The following ARHGEF4 variants were observed in gnomAD, a reference collection of about 807,000 sequenced individuals.
ARHGEF4 encodes the protein Rho guanine nucleotide exchange factor 4.
Under a neutral mutation model 162.0 loss-of-function variants are expected in ARHGEF4, and 119 were observed. That is an observed-to-expected ratio of 0.73 (90% CI 0.63 to 0.86). The LOEUF is 0.86. Among genes scored for constraint, ARHGEF4 ranks in the 40% least tolerant of loss-of-function variants. The pLI, the probability that ARHGEF4 is intolerant of heterozygous loss-of-function variation, is 0.00. For synonymous variants in ARHGEF4, 1,014 were observed against 979.9 expected (o/e 1.03, Z -0.65); for missense variants, 2,488 against 2,456.0 (o/e 1.01, Z -0.28).
At position 131,016,781 on chromosome 2, in the gene ARHGEF4, T is replaced by G. The variant is rs559305523; in HGVS notation, c.3986-11164T>G. Among the ~76,000 whole-genome samples the G allele has an allele frequency of 2.0e-5, 3 of 152,364 alleles. No homozygotes were observed. The South Asian group carries it at 6.2e-4, about 32-fold the overall frequency. ...CATCTCTACCAAGTTCCCTAAGTGC[T>G]GCTGCTGGTCTGGGGACCACACTTT... On this transcript the variant is annotated intron_variant, in intron 4 of 13. Transcript: ENST00000409359.
chr2:130,972,006 A>G (rs1685405038), intron 4 of ARHGEF4, among the ~76,000 whole-genome samples: 1 of 152,190 alleles, frequency 6.6e-6, no homozygotes, highest in South Asian at 2.1e-4. Context: ...ACAGGCCTTT[A>G]TAAGCATTGG....
intron 4 of ARHGEF4, among the ~76,000 whole-genome samples, chr2:130,951,986 T>TTAA (rs1683987387): frequency 6.6e-6 from 1 of 152,214 alleles, no homozygotes; most frequent in Non-Finnish European, 1.5e-5. Flanking sequence ...TATTGACATA[T>TTAA]ATTACATTTC....
At chr2:130,931,727 A>T (rs1682646266) in intron 3 of ARHGEF4, among the ~76,000 whole-genome samples, 2 of 152,210 alleles carry the variant, frequency 1.3e-5, no homozygotes, top group South Asian at 4.1e-4. Flanking sequence ...TGACAACATG[A>T]TTTTTTGCAT....
intron 4 of ARHGEF4, among the ~76,000 whole-genome samples, chr2:131,017,707 A>C (rs1462243772): frequency 1.3e-5 from 2 of 152,194 alleles, no homozygotes; most frequent in Non-Finnish European, 2.9e-5. Context: ...CTTGCCTTTT[A>C]AGACATATAC....
intron 4 of ARHGEF4, among the ~76,000 whole-genome samples, chr2:131,022,558 G>C (rs373774651): frequency 6.6e-6 from 1 of 151,484 alleles, no homozygotes; most frequent in African/African-American, 2.4e-5. Flanking sequence ...CAATTCGGTG[G>C]AGAAATGATA....
intron 5 of ARHGEF4, among the ~76,000 whole-genome samples, chr2:131,032,906 A>G (rs1441349309): frequency 7.6e-6 from 1 of 131,892 alleles, no homozygotes; most frequent in Non-Finnish European, 1.5e-5. Context: ...AGGCTGGAGT[A>G]CAGAAGCATA....
In ARHGEF4 at chr2:130,847,508, G is replaced by A. The variant is rs1183748071; in HGVS notation, c.39+10516G>A. Among the ~76,000 whole-genome samples the A allele has an allele frequency of 3.9e-5, 6 of 152,180 alleles. No homozygotes were observed. In the East Asian group the frequency reaches 1.2e-3, roughly 29 times the overall value. On this transcript the variant is annotated intron_variant, in intron 1 of 13. Coordinates refer to ENST00000409359, the MANE Select transcript of ARHGEF4 (RefSeq NM_001367493.1). The stretch of plus-strand genomic sequence containing the variant: ...TTCATATCTGTAAAACGAGGATAAT[G>A]GTTCCTCTCTGTAAGGTGGCTGTGA...
chr2:130,942,152 C>CTTTTTTTT (rs36087462), intron 3 of ARHGEF4, among the ~76,000 whole-genome samples: 7 of 129,846 alleles, frequency 5.4e-5, no homozygotes, highest in African/African-American at 2.0e-4. Flanking sequence ...TTTCTTTTTT[C>CTTTTTTTT]TTTTTTTTTT....
intron 1 of ARHGEF4, among the ~76,000 whole-genome samples, chr2:130,864,496 A>C (rs1444300033): frequency 2.0e-5 from 3 of 152,206 alleles, no homozygotes; most frequent in Admixed American, 6.5e-5. Context: ...AGGCCGAGGC[A>C]GGCGAATCAC....
At chr2:130,853,933 A>G (rs1444647155) in intron 1 of ARHGEF4, among the ~76,000 whole-genome samples, 3 of 152,188 alleles carry the variant, frequency 2.0e-5, no homozygotes, top group Non-Finnish European at 1.5e-5. Flanking sequence ...AGCCTTGCCC[A>G]TACCTTGCTG....
At chr2:130,982,058 G>A (rs1221884073) in intron 4 of ARHGEF4, among the ~76,000 whole-genome samples, 4 of 152,130 alleles carry the variant, frequency 2.6e-5, no homozygotes, top group Non-Finnish European at 5.9e-5. Context: ...GAGTGCAGTG[G>A]CATTGTGTTG....
At chr2:130,935,688 T>C (rs4365500) in intron 3 of ARHGEF4, among the ~76,000 whole-genome samples, 88,361 of 152,126 alleles carry the variant, frequency 0.58, 29,820 homozygotes, top group East Asian at 0.84. Flanking sequence ...TTAATTTCCA[T>C]ATATTTGTGA....
At chr2:130,867,733 C>T (rs1388475288) in intron 1 of ARHGEF4, among the ~76,000 whole-genome samples, 1 of 152,028 alleles carries the variant, frequency 6.6e-6, no homozygotes, top group African/African-American at 2.4e-5. Context: ...TCTGTGCCCT[C>T]ATGCCCACTT....
intron 1 of ARHGEF4, among the ~76,000 whole-genome samples, chr2:130,843,191 T>A (rs964896868): frequency 1.3e-5 from 2 of 152,200 alleles, no homozygotes; most frequent in African/African-American, 4.8e-5. Context: ...CAATACCCAC[T>A]CATGGTGTAT....
intron 5 of ARHGEF4, among the ~76,000 whole-genome samples, chr2:131,034,565 A>G (rs1347001166): frequency 6.6e-6 from 1 of 152,160 alleles, no homozygotes; most frequent in Non-Finnish European, 1.5e-5. Flanking sequence ...ACTGAGCAGA[A>G]TCCCTAACCT....
At chr2:131,003,392 C>G (rs574199215) in intron 4 of ARHGEF4, among the ~76,000 whole-genome samples, 11 of 152,232 alleles carry the variant, frequency 7.2e-5, no homozygotes, top group Admixed American at 6.5e-5. Flanking sequence ...TTTCTTCCTT[C>G]TTGATCGTGA....
rs899295691 is a variant in ARHGEF4 at position 130,895,124 on chromosome 2, C to T, written c.40-18862C>T. ...CCTCCCTGCCCAATGCCCATTGCTC[C>T]GCCACTCACCGCTCTAGGTTTCCCT... On this transcript the variant is annotated intron_variant, in intron 1 of 13. Coordinates refer to ENST00000409359, the MANE Select transcript of ARHGEF4 (RefSeq NM_001367493.1). Among the ~76,000 whole-genome samples the T allele has an allele frequency of 3.9e-5, 6 of 152,156 alleles. No homozygotes were observed. The East Asian group carries it at 7.7e-4, about 20-fold the overall frequency.
In ARHGEF4 at chr2:130,938,821, A is replaced by G. The variant is rs115515493; in HGVS notation, c.3858+7564A>G. On this transcript the variant is annotated intron_variant, in intron 3 of 13. Transcript: ENST00000409359. ...GTCTAAAAACTCTTCAGTGACCCCT[A>G]AGTCTCAAAGATTTTCTTCTGTTTT... 8.3e-3 allele frequency among the ~76,000 whole-genome samples: 1,271 copies of G among 152,294 alleles called. 23 individuals are homozygous for G. Among genetic ancestry groups the G allele is most frequent in the African/African-American group, 0.029 (1,199 of 41,564 alleles).
intron 1 of ARHGEF4, among the ~76,000 whole-genome samples, chr2:130,880,087 A>G (rs1574148259): frequency 6.6e-6 from 1 of 151,962 alleles, no homozygotes; most frequent in Admixed American, 6.6e-5. Context: ...GATGCCATTT[A>G]CTCCTCTCAA....
Sources: allele counts gnomAD v4.1 joint callset (sites outside exome capture counted in the v4.1 genomes callset), GRCh38; gene constraint gnomAD v4.1.1; transcripts MANE v1.5; gene names NCBI Gene and HGNC (gene_info 2026-07-23, HGNC 2026-07-21).